The following EBF1 variants were observed in gnomAD, a reference collection of about 807,000 sequenced individuals.
The protein encoded by EBF1 is transcription factor COE1.
In EBF1, 10 loss-of-function variants were observed where a neutral mutation model predicts 68.4. The ratio of observed to expected loss-of-function variants is 0.15; its 90% CI spans 0.09 to 0.25. The LOEUF (loss-of-function observed/expected upper bound fraction) is 0.25. Among genes scored for constraint, EBF1 ranks in the 10% least tolerant of loss-of-function variants. The probability of loss-of-function intolerance (pLI) is 1.00; values close to 1 mark genes in which losing one functional copy is unlikely to be tolerated. For synonymous variants in EBF1, 298 were observed against 299.8 expected (o/e 0.99, Z 0.06); for missense variants, 509 against 794.4 (o/e 0.64, Z 4.32).
chr5:158,999,888 C>T (rs1290951994), intron 6 of EBF1, among the ~76,000 whole-genome samples: 1 of 152,184 alleles, frequency 6.6e-6, no homozygotes, highest in East Asian at 1.9e-4. Flanking sequence ...TGCTGTTTTG[C>T]TACAGAAAGC....
intron 6 of EBF1, among the ~76,000 whole-genome samples, chr5:159,011,107 G>C (rs1461424933): frequency 1.3e-5 from 2 of 152,178 alleles, no homozygotes; most frequent in African/African-American, 4.8e-5. Context: ...GTATCTGGAG[G>C]AGTTTTCCCA....
chr5:159,037,676 G>C (rs1770349261), intron 6 of EBF1, among the ~76,000 whole-genome samples: 1 of 116,170 alleles, frequency 8.6e-6, no homozygotes, highest in Non-Finnish European at 1.8e-5. Flanking sequence ...GGAGGGGGGA[G>C]GGATAGCATT....
chr5:159,064,899 C>CTTTTTTTTTTTTTTTTTTTTT (rs57256923), intron 6 of EBF1, among the ~76,000 whole-genome samples: 3 of 67,910 alleles, frequency 4.4e-5, no homozygotes, highest in African/African-American at 6.1e-5. Flanking sequence ...CTCTTTTCAT[C>CTTTTTTTTTTTTTTTTTTTTT]TTTTTTTTTT....
At position 159,084,121 on chromosome 5, in the gene EBF1, T is replaced by C. The variant is rs544708456; in HGVS notation, c.485+545A>G. ...CTACCTCTGCGAAGTATTGGCTACA[T>C]TGTCAGAGTTATATATAGGGTAAAT... On this transcript the variant is annotated intron_variant, in intron 5 of 15. Coordinates refer to ENST00000313708, the MANE Select transcript of EBF1 (RefSeq NM_024007.5). Among the ~76,000 whole-genome samples the C allele has an allele frequency of 2.3e-3, 343 of 152,020 alleles. 1 individual carries two copies. The highest frequency in any genetic ancestry group is 3.0e-3 in the Non-Finnish European group (207 of 68,004).
At chr5:158,795,138 C>T (rs1264427921) in intron 9 of EBF1, among the ~76,000 whole-genome samples, 2 of 152,196 alleles carry the variant, frequency 1.3e-5, no homozygotes, top group Non-Finnish European at 1.5e-5. Context: ...TCTGGAAAGA[C>T]AAACATACCC....
At chr5:158,731,006 A>G (rs760290312) in intron 11 of EBF1, 63 bp downstream of exon 11, 40 of 1,478,940 alleles carry the variant, frequency 2.7e-5, no homozygotes, top group Non-Finnish European at 3.5e-5. Flanking sequence ...TATCAGCAGC[A>G]GAGTTTTCTG....
chr5:158,980,861 C>T (rs1258450513), intron 6 of EBF1, among the ~76,000 whole-genome samples: 1 of 152,018 alleles, frequency 6.6e-6, no homozygotes, highest in African/African-American at 2.4e-5. Flanking sequence ...TTTTTTTCCC[C>T]TTGTCTATAT....
chr5:159,082,023 G>A (rs1779816492), intron 5 of EBF1, among the ~76,000 whole-genome samples: 1 of 152,050 alleles, frequency 6.6e-6, no homozygotes, highest in Non-Finnish European at 1.5e-5. Context: ...ATCCAATGGT[G>A]GCCAGTCCCT....
In EBF1 at chr5:158,755,551, T is replaced by A. The variant is rs754201865; in HGVS notation, c.1036+21862A>T. Among the ~76,000 whole-genome samples the A allele has an allele frequency of 9.2e-5, 14 of 152,300 alleles. No homozygotes were observed. The Middle Eastern group carries it at 0.014, about 148-fold the overall frequency. On this transcript the variant is annotated intron_variant, in intron 10 of 15. Transcript: ENST00000313708. ...TCAAGAGACGAATAGACTTCTACTT[T>A]AGGAAGTTCATTTTATTTTCAAGCT...
At chr5:158,960,709 T>C (rs1293841558) in intron 6 of EBF1, among the ~76,000 whole-genome samples, 1 of 152,146 alleles carries the variant, frequency 6.6e-6, no homozygotes, top group Non-Finnish European at 1.5e-5. Context: ...AGACAAAAAG[T>C]GCAATGTGTG....
intron 6 of EBF1, among the ~76,000 whole-genome samples, chr5:159,044,206 T>G (rs1343622687): frequency 6.6e-6 from 1 of 152,236 alleles, no homozygotes; most frequent in African/African-American, 2.4e-5. Flanking sequence ...CTAATGTTTG[T>G]TAAGAGAAAT....
intron 6 of EBF1, among the ~76,000 whole-genome samples, chr5:158,937,396 G>A (rs1469988633): frequency 3.3e-5 from 5 of 152,098 alleles, no homozygotes; most frequent in Non-Finnish European, 5.9e-5. Context: ...GGGAAGCCAC[G>A]AGGATTAAAG....
chr5:158,720,603 C>T (rs1761737162), intron 11 of EBF1, among the ~76,000 whole-genome samples: 2 of 152,128 alleles, frequency 1.3e-5, no homozygotes, highest in Non-Finnish European at 2.9e-5. Flanking sequence ...GTAATATAAA[C>T]TTCTTGAAAT....
At chr5:158,730,431 T>C (rs1342062376) in intron 11 of EBF1, among the ~76,000 whole-genome samples, 1 of 152,258 alleles carries the variant, frequency 6.6e-6, no homozygotes, top group Non-Finnish European at 1.5e-5. Context: ...AGTTTCCTTC[T>C]TTCTGCACTG....
chr5:159,046,806 C>CA (rs1015564125), intron 6 of EBF1, among the ~76,000 whole-genome samples: 7 of 152,134 alleles, frequency 4.6e-5, no homozygotes, highest in Non-Finnish European at 1.0e-4. Context: ...GGAGGGAGCC[C>CA]GGCTCTGTAG....
rs576311418 is a variant in EBF1 at position 158,859,877 on chromosome 5, C to A, written c.555-19767G>T. ...TATTACCTTGTACTTTGCCTATCTG[C>A]ATTTACATTTCATATCTGGCCAACC... On this transcript the variant is annotated intron_variant, in intron 6 of 15. Coordinates refer to ENST00000313708, the MANE Select transcript of EBF1 (RefSeq NM_024007.5). Among the ~76,000 whole-genome samples, 3 of 152,304 alleles carry A rather than the reference C, an allele frequency of 2.0e-5. No individual in the cohort carries two copies. The East Asian group carries it at 5.8e-4, about 29-fold the overall frequency.
chr5:158,992,453 T>G, intron 6 of EBF1, among the ~76,000 whole-genome samples: 1 of 152,312 alleles, frequency 6.6e-6, no homozygotes, highest in East Asian at 1.9e-4. Context: ...ATGTGTTTTT[T>G]CTGACATGCC....
chr5:158,875,918 C>T (rs1166436075), intron 6 of EBF1, among the ~76,000 whole-genome samples: 4 of 152,144 alleles, frequency 2.6e-5, no homozygotes, highest in African/African-American at 9.7e-5. Flanking sequence ...CCAGTCCCTC[C>T]ACAGAAGAAT....
intron 4 of EBF1, among the ~76,000 whole-genome samples, chr5:159,085,720 A>C (rs189188038): frequency 6.6e-6 from 1 of 152,228 alleles, no homozygotes; most frequent in Non-Finnish European, 1.5e-5. Context: ...TTTCTTGATG[A>C]CAAAACTACT....
Sources: gnomAD v4.1 joint callset for allele counts (sites outside exome capture counted in the v4.1 genomes callset) on GRCh38, gnomAD v4.1.1 for gene constraint, MANE v1.5 for transcripts, NCBI Gene and HGNC (gene_info 2026-07-23, HGNC 2026-07-21) for gene names.